GNAQ: variants seen among roughly 807,000 people sequenced by gnomAD.
GNAQ encodes guanine nucleotide-binding protein G(q) subunit alpha.
GNAQ carries 8 observed loss-of-function variants against 43.9 expected under a neutral mutation model. The ratio of observed to expected loss-of-function variants is 0.18; its 90% CI spans 0.11 to 0.33. The LOEUF is 0.33. GNAQ is among the 10% of genes least tolerant of loss of function. The pLI, the probability that GNAQ is intolerant of heterozygous loss-of-function variation, is 1.00. For missense variants in GNAQ, 158 were observed against 450.8 expected (o/e 0.35, Z 5.88); for synonymous variants, 155 against 170.7 (o/e 0.91, Z 0.71).
chr9:77,929,826 T>C lies in GNAQ; in HGVS notation c.137-7481A>G, dbSNP rs148501120. On this transcript the variant is annotated intron_variant, in intron 1 of 6. Transcript: ENST00000286548. ...GCCTGGGCGACAAAGCAAGACCCTG[T>C]CACACACACAAAAATTTTTTTTTAA... is the stretch of plus-strand genomic sequence containing the variant. Among the ~76,000 whole-genome samples, 4 of 152,262 alleles carry C rather than the reference T, an allele frequency of 2.6e-5. No individual in the cohort carries two copies. In the East Asian group the frequency reaches 5.8e-4, roughly 22 times the overall value.
intron 2 of GNAQ, among the ~76,000 whole-genome samples, chr9:77,920,798 T>C (rs1828985471): frequency 6.6e-6 from 1 of 152,140 alleles, no homozygotes; most frequent in African/African-American, 2.4e-5. Flanking sequence ...TATGAAAGTA[T>C]CAATTAGGTA....
At chr9:77,871,743 C>T (rs925104860) in intron 2 of GNAQ, among the ~76,000 whole-genome samples, 1 of 152,098 alleles carries the variant, frequency 6.6e-6, no homozygotes, top group African/African-American at 2.4e-5. Flanking sequence ...AAAAACATCA[C>T]TTTTTTCTGA....
chr9:77,984,248 C>T (rs1357170327), intron 1 of GNAQ, among the ~76,000 whole-genome samples: 2 of 151,218 alleles, frequency 1.3e-5, no homozygotes, highest in Admixed American at 6.6e-5. Flanking sequence ...CGGCTCACTG[C>T]AGCCTCGACC....
At chr9:77,950,484 T>C (rs1424407876) in intron 1 of GNAQ, among the ~76,000 whole-genome samples, 1 of 152,242 alleles carries the variant, frequency 6.6e-6, no homozygotes, top group Non-Finnish European at 1.5e-5. Context: ...CCCATGCTCG[T>C]TTCTGCAACC....
intron 2 of GNAQ, among the ~76,000 whole-genome samples, chr9:77,893,424 C>T (rs566186696): frequency 6.6e-6 from 1 of 152,300 alleles, no homozygotes; most frequent in East Asian, 1.9e-4. Context: ...AAGGGGAGGA[C>T]CCCTCAGTTC....
rs111483003 is a variant in GNAQ at position 77,815,099 on chromosome 9, A to G, written c.476+517T>C. Reference sequence around the variant, plus strand: ...GAAATTTTCACGCAAAGGAAAACCTATCCATCAACATAATAGTGGCTCTCA... The same window carrying G: ...GAAATTTTCACGCAAAGGAAAACCTGTCCATCAACATAATAGTGGCTCTCA... On this transcript the variant is annotated intron_variant, in intron 3 of 6. Coordinates refer to ENST00000286548, the MANE Select transcript of GNAQ (RefSeq NM_002072.5). 1.5e-3 allele frequency among the ~76,000 whole-genome samples: 223 copies of G among 152,326 alleles called. 3 individuals carry two copies. Among genetic ancestry groups the G allele is most frequent in the African/African-American group, 5.2e-3 (215 of 41,566 alleles).
At chr9:77,750,558 C>T (rs914435392) in intron 5 of GNAQ, among the ~76,000 whole-genome samples, 2 of 152,130 alleles carry the variant, frequency 1.3e-5, no homozygotes, top group African/African-American at 4.8e-5. Flanking sequence ...AACCTCCATT[C>T]CAGCCAAATG....
chr9:77,923,918 T>C lies in GNAQ; in HGVS notation c.137-1573A>G, dbSNP rs974437956. Reference sequence around the variant, plus strand: ...TGTTTTTCTGATGGTTGGATTTCATTACTATCTTTATAAACAATCACAAAA... The same window carrying C: ...TGTTTTTCTGATGGTTGGATTTCATCACTATCTTTATAAACAATCACAAAA... On this transcript the variant is annotated intron_variant, in intron 1 of 6. Coordinates refer to ENST00000286548, the MANE Select transcript of GNAQ (RefSeq NM_002072.5). Among the ~76,000 whole-genome samples the C allele has an allele frequency of 1.2e-4, 19 of 152,304 alleles. 1 individual carries two copies. The South Asian group carries it at 3.7e-3, about 30-fold the overall frequency.
chr9:77,899,295 C>T (rs1043454780), intron 2 of GNAQ, among the ~76,000 whole-genome samples: 3 of 151,984 alleles, frequency 2.0e-5, no homozygotes, highest in Admixed American at 1.3e-4. Flanking sequence ...TGGGGTTTCA[C>T]CATCTTGGCA....
chr9:77,760,557 C>T (rs573436745), intron 5 of GNAQ, among the ~76,000 whole-genome samples: 1 of 152,294 alleles, frequency 6.6e-6, no homozygotes, highest in East Asian at 1.9e-4. Context: ...CGGCTCGCTA[C>T]AACTTCCACC....
intron 3 of GNAQ, among the ~76,000 whole-genome samples, chr9:77,809,415 T>C (rs1826879137): frequency 6.6e-6 from 1 of 152,294 alleles, no homozygotes; most frequent in South Asian, 2.1e-4. Context: ...TTTGGTACTG[T>C]AGGCAGTGAA....
intron 5 of GNAQ, among the ~76,000 whole-genome samples, chr9:77,741,539 C>T (rs1825654545): frequency 6.6e-6 from 1 of 152,118 alleles, no homozygotes; most frequent in South Asian, 2.1e-4. Flanking sequence ...TTTCTTTCTT[C>T]CCACGGCACA....
At chr9:77,829,683 T>C (rs948187337) in intron 2 of GNAQ, among the ~76,000 whole-genome samples, 1 of 152,126 alleles carries the variant, frequency 6.6e-6, no homozygotes, top group African/African-American at 2.4e-5. Context: ...GGACTCAAAG[T>C]GGTCCACCCA....
intron 1 of GNAQ, among the ~76,000 whole-genome samples, chr9:78,000,475 G>C (rs1823630140): frequency 6.6e-6 from 1 of 152,186 alleles, no homozygotes; most frequent in African/African-American, 2.4e-5. Flanking sequence ...TCAAGTAAAA[G>C]TGGTTGCCCC....
chr9:77,931,943 A>G (rs1433819387), intron 1 of GNAQ, among the ~76,000 whole-genome samples: 2 of 152,196 alleles, frequency 1.3e-5, no homozygotes, highest in African/African-American at 4.8e-5. Flanking sequence ...ATAAAAGGCT[A>G]CAGGGCAGGG....
intron 1 of GNAQ, among the ~76,000 whole-genome samples, chr9:77,962,828 G>GT (rs893436350): frequency 2.7e-5 from 4 of 147,336 alleles, no homozygotes; most frequent in Non-Finnish European, 5.9e-5. Flanking sequence ...GGAGGCAGAG[G>GT]TTGCAGTGAG....
chr9:77,750,112 C>T (rs993398753), intron 5 of GNAQ, among the ~76,000 whole-genome samples: 5 of 143,548 alleles, frequency 3.5e-5, no homozygotes, highest in African/African-American at 1.2e-4. Context: ...ACATAAGGTA[C>T]ATCTTTAAAA....
chr9:77,936,996 A>T (rs1829242098), intron 1 of GNAQ, among the ~76,000 whole-genome samples: 1 of 152,224 alleles, frequency 6.6e-6, no homozygotes, highest in Admixed American at 6.5e-5. Flanking sequence ...TTCTTAATAA[A>T]TATTACTGCT....
At chr9:77,970,374 G>A (rs1416673700) in intron 1 of GNAQ, among the ~76,000 whole-genome samples, 1 of 152,116 alleles carries the variant, frequency 6.6e-6, no homozygotes, top group African/African-American at 2.4e-5. Context: ...TTGATTCAGT[G>A]TTATCAAAAA....
Sources: gnomAD v4.1 joint callset for allele counts (sites outside exome capture counted in the v4.1 genomes callset) on GRCh38, gnomAD v4.1.1 for gene constraint, MANE v1.5 for transcripts, NCBI Gene and HGNC (gene_info 2026-07-23, HGNC 2026-07-21) for gene names.